Variants in ATP2A3 observed in about 807,000 individuals in gnomAD.
ATP2A3 encodes the protein sarcoplasmic/endoplasmic reticulum calcium ATPase 3.
In ATP2A3, 61 loss-of-function variants were observed where a neutral mutation model predicts 106.8. The ratio of observed to expected loss-of-function variants is 0.57; its 90% CI spans 0.46 to 0.71. ATP2A3 has a LOEUF of 0.71. Ranked by LOEUF, ATP2A3 falls within the 30% of genes least tolerant of loss-of-function variation. The pLI is 0.00. For synonymous variants in ATP2A3, 611 were observed against 609.3 expected (o/e 1.00, Z -0.04); for missense variants, 1,201 against 1,423.5 (o/e 0.84, Z 2.52).
intron 1 of ATP2A3, among the ~76,000 whole-genome samples, chr17:3,961,617 C>T (rs1296429541): frequency 2.6e-5 from 4 of 152,176 alleles, no homozygotes; most frequent in Non-Finnish European, 5.9e-5. Context: ...TGGTTTCCAA[C>T]AATAACGACC....
intron 1 of ATP2A3, among the ~76,000 whole-genome samples, chr17:3,960,306 G>A (rs540535735): frequency 6.6e-6 from 1 of 152,362 alleles, no homozygotes; most frequent in African/African-American, 2.4e-5. Context: ...GAACTTATTT[G>A]AGGGCAGCAA....
chr17:3,962,301 T>G (rs529633663), intron 1 of ATP2A3, among the ~76,000 whole-genome samples: 1 of 152,320 alleles, frequency 6.6e-6, no homozygotes, highest in East Asian at 1.9e-4. Context: ...AACCTCTGGG[T>G]GCCTCCGTTT....
intron 7 of ATP2A3, among the ~76,000 whole-genome samples, chr17:3,948,886 T>C (rs1024881088): frequency 4.6e-5 from 7 of 151,888 alleles, no homozygotes; most frequent in Non-Finnish European, 8.8e-5. Flanking sequence ...CTCAGAACTT[T>C]GGGAGGCCAA....
chr17:3,964,231 C>A lies in ATP2A3; in HGVS notation c.61G>T (p.Glu21Ter). Residue 21 changes from glutamate to a stop codon, truncating the protein, a stop_gained, in exon 1 of 21, where the codon GAG becomes TAG. Coordinates refer to ENST00000397041, the MANE Select transcript of ATP2A3 (RefSeq NM_005173.4). LOFTEE classifies it high-confidence loss of function. ...DVLRHFSVTA[E>*]GGLSPAQVTG... ...ACCTGCGCCGGGCTCAGGCCGCCCT[C>A]GGCTGTCACCGAGAAGTGGCGCAGC... The A allele has an allele frequency of 7.8e-7, 1 of 1,281,628 alleles. No individual in the cohort carries two copies. Among genetic ancestry groups the A allele is most frequent in the South Asian group, 1.7e-5 (1 of 58,676 alleles). The allele number at this position is 1,281,628 out of a possible 1,614,324, so 79.4% of individuals were successfully genotyped here. A position where few individuals can be genotyped will look rare whatever the true frequency, so the allele number is the denominator to read the frequency against.
intron 1 of ATP2A3, among the ~76,000 whole-genome samples, chr17:3,963,584 T>C (rs1469836452): frequency 6.6e-6 from 1 of 152,118 alleles, no homozygotes; most frequent in Non-Finnish European, 1.5e-5. Context: ...CCCAGGAAGG[T>C]GGGTCTCCCG....
Position 3,926,705 on chromosome 17 carries a change from G to A in ATP2A3, c.2981-1264C>T, listed in dbSNP as rs2052724315. The A allele has an allele frequency of 1.2e-5, 3 of 256,336 alleles. No homozygotes were observed. The highest frequency in any genetic ancestry group is 1.8e-5 in the Non-Finnish European group (3 of 163,510). The allele number at this position is 256,336 out of a possible 1,614,324, so 15.9% of individuals were successfully genotyped here. ...CTGCCTCAGCCTCCCGAGTAGCTGG[G>A]ATTATAGGCACCTGCCACCACGCCC... On this transcript the variant is annotated intron_variant, in intron 20 of 20. Coordinates refer to ENST00000397041, the MANE Select transcript of ATP2A3 (RefSeq NM_005173.4). This position sits in a 1 kb window ranked among gnomAD's most constrained non-coding sequence, Gnocchi z 4.6.
rs1410173354 is a variant in ATP2A3, at chr17:3,947,302, C to G, written c.1095+89G>C. 1.8e-5 allele frequency: 27 copies of G among 1,485,002 alleles called. No individual in the cohort carries two copies. The highest frequency in any genetic ancestry group is 2.4e-5 in the Non-Finnish European group (26 of 1,073,576). The allele number at this position is 1,485,002 out of a possible 1,614,324, so 92.0% of individuals were successfully genotyped here. ...AGCCCACAGATTCTCTCCTCCATCC[C>G]TCACTGAAAAGGAGGTGGGGGAGAG... On this transcript the variant is annotated intron_variant, in intron 8 of 20. Coordinates refer to ENST00000397041, the MANE Select transcript of ATP2A3 (RefSeq NM_005173.4). This position sits in a 1 kb window ranked among gnomAD's most constrained non-coding sequence, Gnocchi z 7.7.
Position 3,947,423 on chromosome 17 carries a change from T to G in ATP2A3, c.1063A>C (p.Thr355Pro). Residue 355 changes from threonine (T) to proline (P), a missense_variant, in exon 8 of 21, where the codon ACG becomes CCG. By Grantham distance (38) the Thr-to-Pro change is conservative (BLOSUM62 -1). Coordinates refer to ENST00000397041, the MANE Select transcript of ATP2A3 (RefSeq NM_005173.4). The surrounding 1 kb of genome is among the most constrained non-coding windows in gnomAD (Gnocchi z 7.7). ...TSVICSDKTG[T>P]LTTNQMSVCR... The stretch of plus-strand genomic sequence containing the variant: ...ACAGACATCTGATTGGTGGTGAGCG[T>G]GCCCGTCTTGTCGGAGCAGATGACT... 2.5e-6 allele frequency: 4 copies of G among 1,613,912 alleles called. No homozygotes were observed. Among genetic ancestry groups the G allele is most frequent in the Non-Finnish European group, 3.4e-6 (4 of 1,180,038 alleles).
At chr17:3,963,602 AGTTCAAAG>A (rs1293597122) in intron 1 of ATP2A3, among the ~76,000 whole-genome samples, 1 of 152,178 alleles carries the variant, frequency 6.6e-6, no homozygotes, top group Non-Finnish European at 1.5e-5. Flanking sequence ...CCGCCTCAGC[AGTTCAAAG>A]CCCCCACCGA....
At chr17:3,956,552 T>G (rs1338368466) in intron 1 of ATP2A3, among the ~76,000 whole-genome samples, 1 of 152,200 alleles carries the variant, frequency 6.6e-6, no homozygotes, top group Non-Finnish European at 1.5e-5. Context: ...TACTTTAATT[T>G]TCATGCATTT....
Position 3,929,586 on chromosome 17 carries a change from T to A in ATP2A3, c.2745-141A>T. On this transcript the variant is annotated intron_variant, in intron 18 of 20. Transcript: ENST00000397041. This position sits in a 1 kb window ranked among gnomAD's most constrained non-coding sequence, Gnocchi z 4.3. ...CGGCCTGCCAGGGCCTGTCCCGGGCTGGGACCCCTTTCTCTGCCCCTCAGA... is the reference window on the plus strand; with the variant it reads ...CGGCCTGCCAGGGCCTGTCCCGGGCAGGGACCCCTTTCTCTGCCCCTCAGA... 1 of 708,714 alleles carries A rather than the reference T, an allele frequency of 1.4e-6. No individual in the cohort carries two copies. The highest frequency in any genetic ancestry group is 2.3e-6 in the Non-Finnish European group (1 of 425,556). The allele number at this position is 708,714 out of a possible 1,614,324, so 43.9% of individuals were successfully genotyped here. A position where few individuals can be genotyped will look rare whatever the true frequency, so the allele number is the denominator to read the frequency against.
At chr17:3,927,880 G>C in intron 20 of ATP2A3, 1 of 1,579,084 alleles carries the variant, frequency 6.3e-7, no homozygotes, top group South Asian at 1.1e-5. Context: ...AGCTGCCCCA[G>C]TGCAGGCCTC....
rs1393270016 is a variant in ATP2A3 at position 3,928,379 on chromosome 17, G to C, written c.2980+284C>G. On this transcript the variant is annotated intron_variant, in intron 20 of 20. Transcript: ENST00000397041. The surrounding 1 kb of genome is among the most constrained non-coding windows in gnomAD (Gnocchi z 6.1). ...GGCCCAGAAGAGCACACAGTGCCCTGGCCATGTAGGGGGTGGCAGGTGAAG... is the reference window on the plus strand; with the variant it reads ...GGCCCAGAAGAGCACACAGTGCCCTCGCCATGTAGGGGGTGGCAGGTGAAG... 6.5e-7 allele frequency: 1 copy of C among 1,530,720 alleles called. No individual in the cohort carries two copies. Among genetic ancestry groups the C allele is most frequent in the Admixed American group, 1.7e-5 (1 of 58,266 alleles). 94.8% of individuals were successfully genotyped at this position (1,530,720 alleles called of 1,614,324 possible).
At chr17:3,935,417 C>T in intron 16 of ATP2A3, 140 bp from the exon 17 acceptor site, 2 of 766,938 alleles carry the variant, frequency 2.6e-6, no homozygotes, top group Non-Finnish European at 4.3e-6. Flanking sequence ...AGGCACCTCC[C>T]CTCGATGCCA....
chr17:3,940,667 C>T (rs2053709598), intron 14 of ATP2A3, among the ~76,000 whole-genome samples: 1 of 152,068 alleles, frequency 6.6e-6, no homozygotes, highest in Non-Finnish European at 1.5e-5. Context: ...ACCACCACGC[C>T]CCGCTAATTT....
At position 3,925,149 on chromosome 17, in the gene ATP2A3, C is replaced by T; in HGVS notation, c.*273G>A. 1 of 595,228 alleles carries T rather than the reference C, an allele frequency of 1.7e-6. No homozygotes were observed. The highest frequency in any genetic ancestry group is 3.0e-6 in the Non-Finnish European group (1 of 337,592). The allele number at this position is 595,228 out of a possible 1,614,324, so 36.9% of individuals were successfully genotyped here. ...CGGCTTCTTGGCTGCCCCCTCCCAG[C>T]CTGCAGCTCCTGGGCCAGAGCTGCA... On this transcript the variant is annotated 3_prime_UTR_variant, in exon 21 of 21. Coordinates refer to ENST00000397041, the MANE Select transcript of ATP2A3 (RefSeq NM_005173.4). This position sits in a 1 kb window ranked among gnomAD's most constrained non-coding sequence, Gnocchi z 4.2.
intron 5 of ATP2A3, among the ~76,000 whole-genome samples, 198 bp downstream of exon 5, chr17:3,951,052 AG>A (rs1413089237): frequency 2.0e-5 from 3 of 152,020 alleles, no homozygotes; most frequent in Non-Finnish European, 4.4e-5. Flanking sequence ...TAATAAAAGG[AG>A]GAGGCCCCTA....
At chr17:3,951,521 G>C in intron 4 of ATP2A3, 60 bp downstream of exon 4, 1 of 1,559,102 alleles carries the variant, frequency 6.4e-7, no homozygotes. Flanking sequence ...ACCAGGTGGA[G>C]GGCACTCCTA....
chr17:3,954,482 T>C, intron 1 of ATP2A3, among the ~76,000 whole-genome samples: 1 of 128,922 alleles, frequency 7.8e-6, no homozygotes, highest in African/African-American at 3.0e-5. Context: ...AGCACCCACC[T>C]CAATTGAGGT....
Sources: allele counts gnomAD v4.1 joint callset (sites outside exome capture counted in the v4.1 genomes callset), GRCh38; gene constraint gnomAD v4.1.1; non-coding constraint Gnocchi (gnomAD v3.1); transcripts MANE v1.5; gene names NCBI Gene and HGNC (gene_info 2026-07-23, HGNC 2026-07-21).